LRRC7: variants seen among roughly 807,000 people sequenced by gnomAD.
LRRC7 encodes the protein leucine rich repeat containing 7, also known as leucine-rich repeat-containing protein 7.
Under a neutral mutation model 175.7 loss-of-function variants are expected in LRRC7, and 23 were observed. That is an observed-to-expected ratio of 0.13 (90% CI 0.09 to 0.19). The LOEUF is 0.19. Ranked by LOEUF, LRRC7 falls within the 10% of genes least tolerant of loss-of-function variation. The pLI is 1.00. For missense variants in LRRC7, 1,354 were observed against 1,904.7 expected, an observed-to-expected ratio of 0.71 and a Z score of 5.38; for synonymous variants, 685 against 680.9, an observed-to-expected ratio of 1.01 and a Z score of -0.09.
intron 2 of LRRC7, among the ~76,000 whole-genome samples, chr1:69,715,797 A>G (rs1444045429): frequency 6.6e-6 from 1 of 152,008 alleles, no homozygotes; most frequent in Non-Finnish European, 1.5e-5. Flanking sequence ...GATAAGGAAA[A>G]ATACATTTTA....
chr1:69,879,921 G>A (rs1197936481), intron 7 of LRRC7: 2 of 152,214 alleles, frequency 1.3e-5, no homozygotes, highest in African/African-American at 4.8e-5. Context: ...GACAAACCCG[G>A]AACCCTGAAG....
chr1:69,629,973 C>T (rs1264360799), intron 1 of LRRC7, among the ~76,000 whole-genome samples: 1 of 152,088 alleles, frequency 6.6e-6, no homozygotes, highest in African/African-American at 2.4e-5. Context: ...TGAAATTTAT[C>T]AATTTCTTGT....
chr1:69,727,526 C>A (rs1001405239), intron 2 of LRRC7, among the ~76,000 whole-genome samples: 5 of 152,020 alleles, frequency 3.3e-5, no homozygotes, highest in Non-Finnish European at 5.9e-5. Context: ...GTCACTAGTA[C>A]CATAGGGGAC....
intron 2 of LRRC7, among the ~76,000 whole-genome samples, chr1:69,697,166 C>T (rs1026250623): frequency 5.9e-5 from 9 of 152,118 alleles, no homozygotes; most frequent in African/African-American, 2.2e-4. Context: ...CCAAAGTAAT[C>T]AACTAGTTTT....
At chr1:69,802,704 A>T (rs1676661278) in intron 4 of LRRC7, among the ~76,000 whole-genome samples, 1 of 151,286 alleles carries the variant, frequency 6.6e-6, no homozygotes, top group South Asian at 2.1e-4. Context: ...GGAACATTTG[A>T]TTCATTTATA....
chr1:69,718,752 T>A (rs1468298594), intron 2 of LRRC7, among the ~76,000 whole-genome samples: 2 of 151,758 alleles, frequency 1.3e-5, no homozygotes, highest in Non-Finnish European at 3.0e-5. Context: ...TGACTTCCAG[T>A]GTCTGTTTTG....
intron 1 of LRRC7, among the ~76,000 whole-genome samples, chr1:69,659,877 A>C (rs2100526248): frequency 6.6e-6 from 1 of 152,170 alleles, no homozygotes; most frequent in South Asian, 2.1e-4. Flanking sequence ...GAAACAAGAA[A>C]AAAGGGTCCC....
intron 1 of LRRC7, among the ~76,000 whole-genome samples, chr1:69,655,709 A>G (rs1656512031): frequency 6.6e-6 from 1 of 152,088 alleles, no homozygotes; most frequent in Non-Finnish European, 1.5e-5. Flanking sequence ...CTTCCAAAAC[A>G]TGCCTGAATA....
At chr1:69,691,916 C>A (rs960405922) in intron 2 of LRRC7, among the ~76,000 whole-genome samples, 1 of 151,080 alleles carries the variant, frequency 6.6e-6, no homozygotes, top group Non-Finnish European at 1.5e-5. Flanking sequence ...TTTCATATTG[C>A]AAAACAATTT....
chr1:69,747,583 C>A (rs1489419160), intron 2 of LRRC7, among the ~76,000 whole-genome samples: 1 of 152,106 alleles, frequency 6.6e-6, no homozygotes, highest in Admixed American at 6.6e-5. Context: ...ATGCTTTTTT[C>A]ATTCTATTCT....
At chr1:69,775,462 G>T (rs1324986206) in intron 3 of LRRC7, among the ~76,000 whole-genome samples, 1 of 152,152 alleles carries the variant, frequency 6.6e-6, no homozygotes, top group Non-Finnish European at 1.5e-5. Flanking sequence ...TGCCCTCTCT[G>T]ATTTAGAACC....
At chr1:69,962,955 C>T (rs958749640) in intron 8 of LRRC7, among the ~76,000 whole-genome samples, 4 of 152,056 alleles carry the variant, frequency 2.6e-5, no homozygotes, top group African/African-American at 7.2e-5. Context: ...CAATCCTGCA[C>T]ATCCTGCACA....
At chr1:69,889,224 C>T (rs566215903) in intron 7 of LRRC7, among the ~76,000 whole-genome samples, 11 of 152,152 alleles carry the variant, frequency 7.2e-5, no homozygotes, top group South Asian at 4.2e-4. Context: ...ATGGTGGCTC[C>T]GGCAATTTCT....
rs747732389 is a variant in LRRC7, at chr1:70,134,306, G to A, written c.*12419G>A. Among the ~76,000 whole-genome samples the A allele has an allele frequency of 2.6e-5, 4 of 152,220 alleles. No homozygotes were observed. The highest frequency in any genetic ancestry group is 5.9e-5 in the Non-Finnish European group (4 of 68,036). Reference sequence around the variant, plus strand: ...ACCCCTGGCGGCCTTGGTGACATGTGTCCTCAAGCTATTTTGGTTCTTCTT... The same window carrying A: ...ACCCCTGGCGGCCTTGGTGACATGTATCCTCAAGCTATTTTGGTTCTTCTT... On this transcript the variant is annotated 3_prime_UTR_variant, in exon 27 of 27. Transcript: ENST00000651989.
intron 24 of LRRC7, among the ~76,000 whole-genome samples, chr1:70,085,735 A>G (rs377141824): frequency 6.6e-6 from 1 of 152,104 alleles, no homozygotes; most frequent in Non-Finnish European, 1.5e-5. Flanking sequence ...TTCCATTTCA[A>G]TTACTCTCTA....
chr1:69,995,224 G>C (rs967891378), intron 11 of LRRC7, among the ~76,000 whole-genome samples: 7 of 151,828 alleles, frequency 4.6e-5, no homozygotes, highest in Non-Finnish European at 1.0e-4. Flanking sequence ...TTAACATTTG[G>C]TTTACAATTC....
intron 7 of LRRC7, among the ~76,000 whole-genome samples, chr1:69,898,459 G>A (rs1204877781): frequency 6.6e-6 from 1 of 152,112 alleles, no homozygotes; most frequent in Non-Finnish European, 1.5e-5. Flanking sequence ...TTAATGGGAG[G>A]ACCTTGAATA....
At chr1:69,928,142 G>T (rs918889324) in intron 7 of LRRC7, among the ~76,000 whole-genome samples, 2 of 152,152 alleles carry the variant, frequency 1.3e-5, no homozygotes, top group African/African-American at 2.4e-5. Context: ...CGTGAATGCT[G>T]CTGTCTGATC....
intron 7 of LRRC7, among the ~76,000 whole-genome samples, chr1:69,853,864 G>T (rs895780785): frequency 1.3e-5 from 2 of 152,118 alleles, no homozygotes; most frequent in African/African-American, 4.8e-5. Context: ...TAAGTATAAT[G>T]ATTAGCATTC....
Sources: gnomAD v4.1 joint callset for allele counts (sites outside exome capture counted in the v4.1 genomes callset) on GRCh38, gnomAD v4.1.1 for gene constraint, MANE v1.5 for transcripts, NCBI Gene and HGNC (gene_info 2026-07-23, HGNC 2026-07-21) for gene names.